Variants in GRID2 observed in about 807,000 individuals in gnomAD.
GRID2 encodes glutamate receptor ionotropic, delta-2.
In GRID2, 33 loss-of-function variants were observed where a neutral mutation model predicts 114.8. The ratio of observed to expected loss-of-function variants is 0.29; its 90% confidence interval spans 0.22 to 0.38. The LOEUF (loss-of-function observed/expected upper bound fraction) is 0.38, where lower values mean the gene tolerates loss of function less well. GRID2 is among the 10% of genes least tolerant of loss of function. The probability of loss-of-function intolerance (pLI) is 1.00; values close to 1 mark genes in which losing one functional copy is unlikely to be tolerated. For missense variants in GRID2, 1,184 were observed against 1,257.7 expected (o/e 0.94, Z 0.89); for synonymous variants, 505 against 449.9 (o/e 1.12, Z -1.55).
chr4:92,981,551 C>A (rs1477037220), intron 2 of GRID2, among the ~76,000 whole-genome samples: 1 of 151,942 alleles, frequency 6.6e-6, no homozygotes, highest in Non-Finnish European at 1.5e-5. Flanking sequence ...ATTTCCAAGG[C>A]CTCCATCTCT....
rs959596297 is a variant in GRID2 at position 93,136,768 on chromosome 4, C to T, written c.735+25815C>T. Among the ~76,000 whole-genome samples, 10 of 152,098 alleles carry T rather than the reference C, an allele frequency of 6.6e-5. No individual in the cohort carries two copies. The South Asian group carries it at 1.0e-3, about 16-fold the overall frequency. On this transcript the variant is annotated intron_variant, in intron 4 of 15. Coordinates refer to ENST00000282020, the MANE Select transcript of GRID2 (RefSeq NM_001510.4). Reference sequence around the variant, plus strand: ...AATCAACTATAGTACTAAGTGAATACGACTTAAATTTGTGATTTAAGGTGA... The same window carrying T: ...AATCAACTATAGTACTAAGTGAATATGACTTAAATTTGTGATTTAAGGTGA...
At chr4:93,701,492 G>A (rs893244084) in intron 14 of GRID2, among the ~76,000 whole-genome samples, 1 of 152,076 alleles carries the variant, frequency 6.6e-6, no homozygotes, top group South Asian at 2.1e-4. Context: ...CTAAATTAAT[G>A]GGAGCAAATG....
At chr4:93,195,247 G>A (rs533224655) in intron 4 of GRID2, among the ~76,000 whole-genome samples, 37 of 152,142 alleles carry the variant, frequency 2.4e-4, no homozygotes, top group Non-Finnish European at 5.1e-4. Flanking sequence ...TATTAAGGAG[G>A]TGTTCCCAGG....
intron 2 of GRID2, among the ~76,000 whole-genome samples, chr4:92,796,534 A>G (rs1487912349): frequency 1.3e-5 from 2 of 151,892 alleles, no homozygotes; most frequent in African/African-American, 4.8e-5. Context: ...ATAACAGTAG[A>G]GTTAGCCTAT....
chr4:92,863,220 T>G (rs1008927133), intron 2 of GRID2, among the ~76,000 whole-genome samples: 2 of 152,268 alleles, frequency 1.3e-5, no homozygotes, highest in East Asian at 3.9e-4. Flanking sequence ...TCTACATTTT[T>G]CCTACACACA....
At chr4:93,109,950 G>A (rs557917679) in intron 3 of GRID2, among the ~76,000 whole-genome samples, 52 of 152,082 alleles carry the variant, frequency 3.4e-4, no homozygotes, top group Admixed American at 7.9e-4. Context: ...TAAGTGTGAC[G>A]TGGACACTGG....
At chr4:92,611,283 G>A (rs1729733735) in intron 2 of GRID2, among the ~76,000 whole-genome samples, 1 of 151,396 alleles carries the variant, frequency 6.6e-6, no homozygotes, top group South Asian at 2.1e-4. Flanking sequence ...TGCCAGCCAG[G>A]TTGAAGTCTG....
chr4:93,678,767 C>G (rs937374768), intron 14 of GRID2, among the ~76,000 whole-genome samples: 2 of 150,902 alleles, frequency 1.3e-5, no homozygotes, highest in African/African-American at 4.9e-5. Flanking sequence ...TAAAAGAGCT[C>G]CTGAAGGAAG....
chr4:92,426,173 T>A (rs1383059377), intron 1 of GRID2, among the ~76,000 whole-genome samples: 1 of 152,134 alleles, frequency 6.6e-6, no homozygotes, highest in East Asian at 1.9e-4. Context: ...ATCAGTTTCA[T>A]ATGTCCAAAG....
chr4:92,970,979 A>C lies in GRID2; in HGVS notation c.245-114016A>C, dbSNP rs114895252. On this transcript the variant is annotated intron_variant, in intron 2 of 15. Transcript: ENST00000282020. Reference sequence around the variant, plus strand: ...ATATGTATATATACATCGTGCGTGTATGTGTGTCTGTGTGTGTATTGTTAA... The same window carrying C: ...ATATGTATATATACATCGTGCGTGTCTGTGTGTCTGTGTGTGTATTGTTAA... 4.3e-3 allele frequency among the ~76,000 whole-genome samples: 653 copies of C among 151,710 alleles called. 2 individuals carry two copies. Among genetic ancestry groups the C allele is most frequent in the African/African-American group, 0.015 (636 of 41,388 alleles).
intron 2 of GRID2, among the ~76,000 whole-genome samples, chr4:92,800,282 A>G (rs1740089724): frequency 6.6e-6 from 1 of 151,948 alleles, no homozygotes. Flanking sequence ...AAAGACAACA[A>G]CAAAAATCAC....
intron 2 of GRID2, among the ~76,000 whole-genome samples, chr4:92,688,241 G>C (rs1275889372): frequency 6.6e-6 from 1 of 150,788 alleles, no homozygotes; most frequent in Non-Finnish European, 1.5e-5. Flanking sequence ...GTAGTAACAG[G>C]GTTTCACTAT....
At chr4:92,309,533 T>C (rs1345925549) in intron 1 of GRID2, among the ~76,000 whole-genome samples, 2 of 151,818 alleles carry the variant, frequency 1.3e-5, no homozygotes, top group East Asian at 3.9e-4. Context: ...TTTTTTTTAG[T>C]ACTACTTGAA....
intron 10 of GRID2, among the ~76,000 whole-genome samples, chr4:93,433,653 G>A (rs1045967146): frequency 6.6e-6 from 1 of 152,050 alleles, no homozygotes; most frequent in African/African-American, 2.4e-5. Context: ...CTAGGATCCC[G>A]CACACTGGGT....
intron 2 of GRID2, among the ~76,000 whole-genome samples, chr4:92,891,794 ATTG>A (rs1746802296): frequency 6.6e-6 from 1 of 152,180 alleles, no homozygotes; most frequent in African/African-American, 2.4e-5. Context: ...GAGCCCACTT[ATTG>A]AGTCACACTT....
At chr4:93,324,254 T>C (rs1220385623) in intron 8 of GRID2, among the ~76,000 whole-genome samples, 1 of 152,202 alleles carries the variant, frequency 6.6e-6, no homozygotes, top group Non-Finnish European at 1.5e-5. Flanking sequence ...GTTTTTAGCA[T>C]GAAGGGCTCT....
At chr4:92,563,283 T>C (rs1727184202) in intron 1 of GRID2, among the ~76,000 whole-genome samples, 2 of 152,168 alleles carry the variant, frequency 1.3e-5, no homozygotes, top group South Asian at 4.1e-4. Context: ...GTTCTCTATG[T>C]CCTCAACTAG....
intron 2 of GRID2, among the ~76,000 whole-genome samples, chr4:93,043,768 T>TG (rs1203905955): frequency 2.2e-5 from 3 of 135,368 alleles, no homozygotes; most frequent in African/African-American, 8.4e-5. Flanking sequence ...TGTCGTGGGG[T>TG]GGGGGGAGCG....
downstream of GRID2, among the ~76,000 whole-genome samples, chr4:93,775,557 G>A (rs186628767): frequency 9.7e-4 from 148 of 152,308 alleles, no homozygotes; most frequent in African/African-American, 3.5e-3. Flanking sequence ...ACTAAGGTCG[G>A]TTCCTGTTTC....
Sources: allele counts gnomAD v4.1 joint callset (sites outside exome capture counted in the v4.1 genomes callset), GRCh38; gene constraint gnomAD v4.1.1; transcripts MANE v1.5; gene names NCBI Gene and HGNC (gene_info 2026-07-23, HGNC 2026-07-21).